Variants in RYR2 observed in about 807,000 individuals in gnomAD.
The protein encoded by RYR2 is ryanodine receptor 2, also known as cardiac muscle ryanodine receptor-calcium release channel.
RYR2 carries 227 observed loss-of-function variants against 601.1 expected under a neutral mutation model. The observed-to-expected ratio is 0.38, with a 90% confidence interval of 0.34 to 0.42. The LOEUF (loss-of-function observed/expected upper bound fraction) is 0.42, where lower values mean the gene tolerates loss of function less well. RYR2 is among the 10% of genes least tolerant of loss of function. The probability of loss-of-function intolerance (pLI) is 1.00; values close to 1 mark genes in which losing one functional copy is unlikely to be tolerated. For missense variants in RYR2, 4,646 were observed against 6,156.5 expected, an observed-to-expected ratio of 0.75 and a Z score of 8.21; for synonymous variants, 2,223 against 2,175.1, an observed-to-expected ratio of 1.02 and a Z score of -0.61.
intron 48 of RYR2, among the ~76,000 whole-genome samples, chr1:237,644,092 C>A (rs1472791520): frequency 1.3e-5 from 2 of 152,124 alleles, no homozygotes; most frequent in African/African-American, 4.8e-5. Flanking sequence ...TCTTTCTTGA[C>A]CTTAGTTCCT....
rs999201310 is a variant in RYR2, at chr1:237,585,157, T to C, written c.3599-4636T>C. Among the ~76,000 whole-genome samples the C allele has an allele frequency of 6.6e-5, 10 of 152,308 alleles. No individual in the cohort carries two copies. The South Asian group carries it at 1.0e-3, about 16-fold the overall frequency. ...GTTGCAACAGAGGCCATATGATCCATGAAACCTAAAATGTCTTCTCTGTAG... is the reference window on the plus strand; with the variant it reads ...GTTGCAACAGAGGCCATATGATCCACGAAACCTAAAATGTCTTCTCTGTAG... On this transcript the variant is annotated intron_variant, in intron 29 of 104. Coordinates refer to ENST00000366574, the MANE Select transcript of RYR2 (RefSeq NM_001035.3).
intron 80 of RYR2, among the ~76,000 whole-genome samples, chr1:237,752,790 A>G (rs1206229119): frequency 6.6e-6 from 1 of 152,126 alleles, no homozygotes; most frequent in Non-Finnish European, 1.5e-5. Context: ...ATTCAACATC[A>G]CCTTGTAGGT....
At chr1:237,724,742 A>G (rs1156756859) in intron 74 of RYR2, among the ~76,000 whole-genome samples, 1 of 89,740 alleles carries the variant, frequency 1.1e-5, no homozygotes, top group African/African-American at 3.7e-5. Flanking sequence ...TAAGATTATT[A>G]AAGGTTAATT....
intron 1 of RYR2, among the ~76,000 whole-genome samples, chr1:237,145,500 A>G (rs899081189): frequency 6.6e-6 from 1 of 152,092 alleles, no homozygotes; most frequent in Non-Finnish European, 1.5e-5. Context: ...AGTTTTTCTG[A>G]TGGGTACTCC....
chr1:237,584,337 C>G (rs1014395014), intron 29 of RYR2, among the ~76,000 whole-genome samples: 3 of 152,088 alleles, frequency 2.0e-5, no homozygotes, highest in Non-Finnish European at 1.5e-5. Context: ...CAATTTATGC[C>G]AAACATTCCA....
intron 2 of RYR2, among the ~76,000 whole-genome samples, chr1:237,307,695 C>T (rs1490115742): frequency 6.6e-6 from 1 of 152,162 alleles, no homozygotes. Context: ...CTGTTCCATT[C>T]CTTATGATAT....
chr1:237,476,152 C>A (rs1418989494), intron 17 of RYR2, among the ~76,000 whole-genome samples: 1 of 152,206 alleles, frequency 6.6e-6, no homozygotes, highest in Non-Finnish European at 1.5e-5. Context: ...GGCATTCCTG[C>A]CATTTCTTCC....
intron 2 of RYR2, among the ~76,000 whole-genome samples, chr1:237,324,015 T>G (rs1288654834): frequency 6.6e-6 from 1 of 152,164 alleles, no homozygotes; most frequent in African/African-American, 2.4e-5. Context: ...CAAGAAAAAC[T>G]ACCCAGAACT....
At chr1:237,637,867 C>T (rs1681038584) in intron 44 of RYR2, among the ~76,000 whole-genome samples, 1 of 152,138 alleles carries the variant, frequency 6.6e-6, no homozygotes, top group East Asian at 1.9e-4. Flanking sequence ...CCCAGACAGA[C>T]TTGGTTGCCC....
At chr1:237,440,299 A>G (rs1707791641) in intron 12 of RYR2, among the ~76,000 whole-genome samples, 1 of 152,228 alleles carries the variant, frequency 6.6e-6, no homozygotes, top group Non-Finnish European at 1.5e-5. Flanking sequence ...TCGTTTAACT[A>G]TAATTCTAAA....
At chr1:237,572,465 A>G (rs1423343003) in intron 29 of RYR2, among the ~76,000 whole-genome samples, 2 of 152,188 alleles carry the variant, frequency 1.3e-5, no homozygotes, top group Non-Finnish European at 2.9e-5. Context: ...ACCAATCACC[A>G]TTGCAATAAT....
At chr1:237,213,740 A>G (rs949927814) in intron 1 of RYR2, among the ~76,000 whole-genome samples, 13 of 151,838 alleles carry the variant, frequency 8.6e-5, no homozygotes, top group Non-Finnish European at 1.5e-4. Context: ...ATATATGTTT[A>G]TCTCATCTGA....
At chr1:237,730,653 T>C (rs1690598430) in intron 77 of RYR2, among the ~76,000 whole-genome samples, 1 of 152,136 alleles carries the variant, frequency 6.6e-6, no homozygotes, top group African/African-American at 2.4e-5. Flanking sequence ...AAAGCACCTA[T>C]AAACACCTGA....
At chr1:237,596,893 T>C (rs1039430834) in intron 34 of RYR2, among the ~76,000 whole-genome samples, 2 of 152,192 alleles carry the variant, frequency 1.3e-5, no homozygotes, top group South Asian at 2.1e-4. Context: ...AAGAATACTA[T>C]GTCTAGCAAA....
intron 4 of RYR2, among the ~76,000 whole-genome samples, chr1:237,356,445 G>A (rs61832491): frequency 1.4e-5 from 2 of 146,322 alleles, no homozygotes; most frequent in African/African-American, 5.1e-5. Context: ...TTTTTTTTTG[G>A]TATAGATGGA....
At chr1:237,586,058 A>G (rs992883605) in intron 29 of RYR2, among the ~76,000 whole-genome samples, 1 of 152,210 alleles carries the variant, frequency 6.6e-6, no homozygotes, top group Non-Finnish European at 1.5e-5. Flanking sequence ...TTTTTAACTT[A>G]ATATTACATA....
chr1:237,335,814 A>G (rs1480486552), intron 3 of RYR2, among the ~76,000 whole-genome samples: 1 of 152,226 alleles, frequency 6.6e-6, no homozygotes, highest in East Asian at 1.9e-4. Context: ...CATTTGCTAT[A>G]TAATCCTCAT....
chr1:237,328,809 T>A (rs1696416029), intron 2 of RYR2, among the ~76,000 whole-genome samples: 1 of 152,226 alleles, frequency 6.6e-6, no homozygotes. Context: ...AGAGGTTCAA[T>A]TTAATAAAAA....
chr1:237,072,912 C>T (rs1373622304), intron 1 of RYR2, among the ~76,000 whole-genome samples: 1 of 141,756 alleles, frequency 7.1e-6, no homozygotes, highest in Admixed American at 7.5e-5. Flanking sequence ...CATGCCACTA[C>T]ACTCCAGCAC....
Sources: allele counts gnomAD v4.1 joint callset (sites outside exome capture counted in the v4.1 genomes callset), GRCh38; gene constraint gnomAD v4.1.1; transcripts MANE v1.5; gene names NCBI Gene and HGNC (gene_info 2026-07-23, HGNC 2026-07-21).